The following TMEM181 variants were observed in gnomAD, a reference collection of about 807,000 sequenced individuals.
TMEM181 encodes the protein transmembrane protein 181.
Under a neutral mutation model 71.9 loss-of-function variants are expected in TMEM181, and 39 were observed. The observed-to-expected ratio is 0.54, with a 90% CI of 0.42 to 0.71. The LOEUF (loss-of-function observed/expected upper bound fraction) is 0.71. TMEM181 is among the 30% of genes least tolerant of loss of function. TMEM181 has a pLI of 0.00. For synonymous variants in TMEM181, 245 were observed against 228.8 expected (o/e 1.07, Z -0.64); for missense variants, 595 against 583.0 (o/e 1.02, Z -0.21).
At chr6:158,558,922 T>A (rs1782005093), upstream of TMEM181, among the ~76,000 whole-genome samples, 1 of 152,110 alleles carries the variant, frequency 6.6e-6, no homozygotes, top group Non-Finnish European at 1.5e-5. Context: ...AGGTACCCAG[T>A]TTCTGTTCTC....
intron 1 of TMEM181, among the ~76,000 whole-genome samples, chr6:158,544,573 A>G (rs1781464497): frequency 6.6e-6 from 1 of 152,038 alleles, no homozygotes; most frequent in South Asian, 2.1e-4. Context: ...CATTTCCCCA[A>G]TTTCTTCAGC....
rs1478850502 is a variant in TMEM181 at position 158,632,363 on chromosome 6, CCTTCCTCGTTGAGTGGCCAGTG to C, written c.*477_*498del. Reference sequence around the variant, plus strand: ...TTATCTGTGGCTGCTTCAGGGCAGTCCTTCCTCGTTGAGTGGCCAGTGCCCTGGGTAACCAGGTGGCTGAAGT... The same window carrying C: ...TTATCTGTGGCTGCTTCAGGGCAGTCCCCTGGGTAACCAGGTGGCTGAAGT... On this transcript the variant is annotated 3_prime_UTR_variant, in exon 17 of 17. Transcript: ENST00000684151. 5.9e-6 allele frequency: 1 copy of C among 170,062 alleles called. No homozygotes were observed. Among genetic ancestry groups the C allele is most frequent in the African/African-American group, 2.4e-5 (1 of 41,808 alleles). The allele number at this position is 170,062 out of a possible 1,614,324, so 10.5% of individuals were successfully genotyped here.
chr6:158,590,956 G>A (rs1455185077), intron 6 of TMEM181, among the ~76,000 whole-genome samples: 5 of 152,202 alleles, frequency 3.3e-5, no homozygotes, highest in South Asian at 2.1e-4. Context: ...GTCACACAAC[G>A]TGTGGTCTTC....
At chr6:158,574,561 G>A (rs1401294203) in intron 2 of TMEM181, among the ~76,000 whole-genome samples, 5 of 152,082 alleles carry the variant, frequency 3.3e-5, no homozygotes, top group African/African-American at 1.2e-4. Context: ...TGTCTCAAAC[G>A]TCCATGATTA....
intron 2 of TMEM181, among the ~76,000 whole-genome samples, chr6:158,575,057 A>G (rs1371709050): frequency 1.3e-5 from 2 of 152,100 alleles, no homozygotes; most frequent in Non-Finnish European, 2.9e-5. Context: ...GTCCACCCAC[A>G]TTGGAGAGAG....
At chr6:158,600,891 C>T (rs561678501) in intron 6 of TMEM181, among the ~76,000 whole-genome samples, 170 of 152,276 alleles carry the variant, frequency 1.1e-3, no homozygotes, top group Non-Finnish European at 2.0e-3. Flanking sequence ...AGTTACGGTT[C>T]CTTGAGAGTA....
chr6:158,599,728 A>G (rs535261626), intron 6 of TMEM181, among the ~76,000 whole-genome samples: 1 of 152,224 alleles, frequency 6.6e-6, no homozygotes, highest in African/African-American at 2.4e-5. Flanking sequence ...CACGGGATCC[A>G]GCGCGCCTGG....
At chr6:158,549,792 G>C (rs556071169) in intron 1 of TMEM181, among the ~76,000 whole-genome samples, 137 of 152,288 alleles carry the variant, frequency 9.0e-4, no homozygotes, top group African/African-American at 3.1e-3. Flanking sequence ...TGGCTGGGCA[G>C]GTGTTGTTGC....
chr6:158,627,085 ACCCTCACCCTCGTTTTCACCCT>A (rs1786350255), intron 13 of TMEM181, among the ~76,000 whole-genome samples: 1 of 119,874 alleles, frequency 8.3e-6, no homozygotes, highest in African/African-American at 3.6e-5. Context: ...ACACACCCTC[ACCCTCACCCTCGTTTTCACCCT>A]CTCTCACACC....
intron 1 of TMEM181, among the ~76,000 whole-genome samples, chr6:158,561,506 G>C (rs1782172364): frequency 6.6e-6 from 1 of 152,164 alleles, no homozygotes; most frequent in Non-Finnish European, 1.5e-5. Context: ...CGTGTTACAG[G>C]AGTTCTCTCA....
At chr6:158,586,860 G>A (rs551659354) in intron 5 of TMEM181, among the ~76,000 whole-genome samples, 11 of 152,282 alleles carry the variant, frequency 7.2e-5, no homozygotes, top group South Asian at 2.1e-4. Flanking sequence ...GGTGAATAAC[G>A]TGTGAGTGTG....
chr6:158,554,148 C>T (rs1181067152), intron 1 of TMEM181, among the ~76,000 whole-genome samples: 2 of 151,880 alleles, frequency 1.3e-5, no homozygotes, highest in South Asian at 2.1e-4. Flanking sequence ...TACAATGGCC[C>T]GGTCTTGGCT....
chr6:158,617,074 G>T (rs1275281357), intron 10 of TMEM181, among the ~76,000 whole-genome samples: 5 of 152,198 alleles, frequency 3.3e-5, no homozygotes, highest in Non-Finnish European at 5.9e-5. Context: ...ACTCCTCCCT[G>T]TACCTCTGGT....
At chr6:158,584,663 A>ATT (rs1783667341) in intron 4 of TMEM181, among the ~76,000 whole-genome samples, 1 of 152,244 alleles carries the variant, frequency 6.6e-6, no homozygotes, top group African/African-American at 2.4e-5. Flanking sequence ...GCCTCACATG[A>ATT]GACACTCTGG....
At chr6:158,590,488 C>T (rs906208047) in intron 6 of TMEM181, among the ~76,000 whole-genome samples, 3 of 151,918 alleles carry the variant, frequency 2.0e-5, no homozygotes, top group Admixed American at 1.3e-4. Flanking sequence ...GACAGAGACT[C>T]ACTCTGTCAC....
At chr6:158,556,914 C>T (rs1781910390), upstream of TMEM181, among the ~76,000 whole-genome samples, 2 of 152,106 alleles carry the variant, frequency 1.3e-5, no homozygotes. Context: ...AGGCACCTGC[C>T]ACCACACTCA....
intron 10 of TMEM181, chr6:158,611,675 G>A (rs147406293): frequency 6.5e-4 from 184 of 282,664 alleles, no homozygotes; most frequent in African/African-American, 3.4e-3. Context: ...CTTTGGTGGC[G>A]GCCCCGCCCA....
At chr6:158,544,056 G>A (rs562521337) in intron 1 of TMEM181, among the ~76,000 whole-genome samples, 60 of 152,262 alleles carry the variant, frequency 3.9e-4, no homozygotes, top group Admixed American at 7.8e-4. Flanking sequence ...GCTCTAAAAC[G>A]GAGATAGCAG....
intron 1 of TMEM181, among the ~76,000 whole-genome samples, chr6:158,571,183 G>A (rs915706750): frequency 6.6e-6 from 1 of 152,076 alleles, no homozygotes; most frequent in Non-Finnish European, 1.5e-5. Context: ...TGCAAGCTCC[G>A]CCTCCCGGGT....
Sources: gnomAD v4.1 joint callset for allele counts (sites outside exome capture counted in the v4.1 genomes callset) on GRCh38, gnomAD v4.1.1 for gene constraint, MANE v1.5 for transcripts, NCBI Gene and HGNC (gene_info 2026-07-23, HGNC 2026-07-21) for gene names.